The following C4orf36 variants were observed in gnomAD, a reference collection of about 807,000 sequenced individuals.
C4orf36 encodes the protein uncharacterized protein C4orf36.
C4orf36 carries 11 observed loss-of-function variants against 12.2 expected under a neutral mutation model. That is an observed-to-expected ratio of 0.90 (90% CI 0.57 to 1.49). The LOEUF is 1.49. Ranked by LOEUF, C4orf36 falls within the 40% of genes most tolerant of loss-of-function variation. C4orf36 has a pLI of 0.00. For synonymous variants in C4orf36, 54 were observed against 51.3 expected (o/e 1.05, Z -0.22); for missense variants, 137 against 133.9 (o/e 1.02, Z -0.11).
upstream of C4orf36, among the ~76,000 whole-genome samples, chr4:86,893,281 G>A (rs948506475): frequency 6.6e-6 from 1 of 152,160 alleles, no homozygotes; most frequent in Admixed American, 6.5e-5. Flanking sequence ...GATAAACACA[G>A]ATGGGCCAGG....
At chr4:86,878,005 TAG>T (rs1746967344) in intron 4 of C4orf36, among the ~76,000 whole-genome samples, 1 of 152,130 alleles carries the variant, frequency 6.6e-6, no homozygotes, top group Admixed American at 6.6e-5. Context: ...AGCAAGGTGA[TAG>T]AGACATAGAG....
chr4:86,916,365 C>CA, the C4orf36 span, among the ~76,000 whole-genome samples: 1,036 of 95,386 alleles, frequency 0.011, 7 homozygotes, highest in African/African-American at 0.028. Context: ...TATGTGGATG[C>CA]AAAAAAAAAA....
chr4:86,876,228 G>C lies in C4orf36; in HGVS notation c.*218C>G. 1 of 435,342 alleles carries C rather than the reference G, an allele frequency of 2.3e-6. No individual in the cohort carries two copies. The highest frequency in any genetic ancestry group is 3.5e-5 in the East Asian group (1 of 28,872). The allele number at this position is 435,342 out of a possible 1,614,324, so 27.0% of individuals were successfully genotyped here. On this transcript the variant is annotated 3_prime_UTR_variant, in exon 5 of 5. Coordinates refer to ENST00000295898, the MANE Select transcript of C4orf36 (RefSeq NM_144645.4). ...TATAAAATAAAATACATTTATAACT[G>C]GCAATGTTTAAAAAGAGAAACAAAC... is the stretch of plus-strand genomic sequence containing the variant.
intron 4 of C4orf36, among the ~76,000 whole-genome samples, chr4:86,884,563 C>T (rs776594659): frequency 2.5e-4 from 38 of 151,972 alleles, no homozygotes; most frequent in Non-Finnish European, 4.9e-4. Context: ...CCTCAGCCTC[C>T]GAAAGCACTG....
the C4orf36 span, among the ~76,000 whole-genome samples, chr4:86,918,029 G>C: frequency 1.3e-5 from 2 of 152,172 alleles, no homozygotes; most frequent in African/African-American, 2.4e-5. Context: ...TCTGTGTCTG[G>C]TGAGATGTCT....
chr4:86,876,471 A>G, intron 4 of C4orf36, 28 bp from the exon 5 acceptor site: 1 of 1,613,598 alleles, frequency 6.2e-7, no homozygotes, highest in Non-Finnish European at 8.5e-7. Context: ...GGAAAATAAG[A>G]TTTTATTTTA....
the C4orf36 span, among the ~76,000 whole-genome samples, chr4:86,918,000 G>A: frequency 6.6e-6 from 1 of 152,252 alleles, no homozygotes; most frequent in African/African-American, 2.4e-5. Flanking sequence ...TGCAATGCAA[G>A]ATCAAGGTAC....
chr4:86,906,818 T>G, the C4orf36 span, among the ~76,000 whole-genome samples: 3 of 149,016 alleles, frequency 2.0e-5, no homozygotes, highest in Non-Finnish European at 4.4e-5. Context: ...GGCAGGCAGA[T>G]CACTTGAGGT....
At chr4:86,886,197 G>A (rs1017714590) in intron 4 of C4orf36, among the ~76,000 whole-genome samples, 4 of 152,142 alleles carry the variant, frequency 2.6e-5, no homozygotes, top group African/African-American at 9.7e-5. Flanking sequence ...TTGGTATCAG[G>A]ATGATGCTGG....
the C4orf36 span, among the ~76,000 whole-genome samples, chr4:86,908,168 TACACACACACACACACACACACACACAC>T: frequency 1.3e-4 from 19 of 140,970 alleles, no homozygotes; most frequent in East Asian, 4.1e-3. Context: ...ACTTTCAACA[TACACACACACACACACACACACACACAC>T]ACACACACAC....
chr4:86,902,022 G>A, the C4orf36 span, among the ~76,000 whole-genome samples: 2 of 152,134 alleles, frequency 1.3e-5, no homozygotes, highest in Non-Finnish European at 2.9e-5. Context: ...GACACATATA[G>A]ATACACAGAA....
At chr4:86,887,296 G>T (rs1332321126) in intron 4 of C4orf36, 2 of 151,982 alleles carry the variant, frequency 1.3e-5, no homozygotes, top group East Asian at 3.9e-4. Context: ...AAGAAAATTG[G>T]AAACTAGGGA....
the C4orf36 span, chr4:86,913,698 C>G: frequency 6.2e-7 from 1 of 1,603,870 alleles, no homozygotes; most frequent in Non-Finnish European, 8.5e-7. Context: ...CCAGGCCAGG[C>G]GGCTCCCACT....
the C4orf36 span, among the ~76,000 whole-genome samples, chr4:86,918,763 T>C: frequency 1.3e-5 from 2 of 152,030 alleles, no homozygotes; most frequent in Non-Finnish European, 2.9e-5. Context: ...ATGCCTGTAT[T>C]AGTCAGGGTT....
chr4:86,889,223 G>A (rs989257628), intron 2 of C4orf36, among the ~76,000 whole-genome samples: 5 of 151,906 alleles, frequency 3.3e-5, no homozygotes, highest in African/African-American at 9.7e-5. Context: ...GGTGGCGGGC[G>A]CTTGTAATCC....
At chr4:86,878,105 T>C (rs1746969982) in intron 4 of C4orf36, among the ~76,000 whole-genome samples, 1 of 152,042 alleles carries the variant, frequency 6.6e-6, no homozygotes, top group African/African-American at 2.4e-5. Flanking sequence ...ATCTTTATTA[T>C]CAGATTCTCT....
At chr4:86,902,838 T>G in the C4orf36 span, among the ~76,000 whole-genome samples, 3 of 152,298 alleles carry the variant, frequency 2.0e-5, no homozygotes. Flanking sequence ...TCATCTATTG[T>G]TAGAATTTGA....
In C4orf36 at chr4:86,892,407, C is replaced by A. The variant is rs922832414; in HGVS notation, c.-298G>T. ...AGGCACACGCCTCCTTCCCGCTCGC[C>A]GCGGGCGCCGAGTCTGGGGCTCCTC... On this transcript the variant is annotated 5_prime_UTR_variant, in exon 1 of 5. Transcript: ENST00000295898. The A allele has an allele frequency of 2.0e-6, 2 of 985,446 alleles. No homozygotes were observed. Among genetic ancestry groups the A allele is most frequent in the Non-Finnish European group, 2.4e-6 (2 of 830,054 alleles). 61.0% of individuals were successfully genotyped at this position (985,446 alleles called of 1,614,324 possible). A position where few individuals can be genotyped will look rare whatever the true frequency, so the allele number is the denominator to read the frequency against.
chr4:86,877,221 T>A (rs1746946659), intron 4 of C4orf36, among the ~76,000 whole-genome samples: 1 of 152,260 alleles, frequency 6.6e-6, no homozygotes, highest in African/African-American at 2.4e-5. Flanking sequence ...AAATTTCTGC[T>A]AACAACTATC....
Sources: gnomAD v4.1 joint callset for allele counts (sites outside exome capture counted in the v4.1 genomes callset) on GRCh38, gnomAD v4.1.1 for gene constraint, MANE v1.5 for transcripts, NCBI Gene and HGNC (gene_info 2026-07-23, HGNC 2026-07-21) for gene names.